The following CDH13 variants were observed in gnomAD, a reference collection of about 807,000 sequenced individuals.
CDH13 encodes cadherin 13.
A neutral mutation model predicts 63.8 loss-of-function variants in CDH13; 24 were observed. That is an observed-to-expected ratio of 0.38 (90% CI 0.27 to 0.53). The LOEUF (loss-of-function observed/expected upper bound fraction) is 0.53, where lower values mean the gene tolerates loss of function less well. CDH13 is among the 20% of genes least tolerant of loss of function. CDH13 has a pLI of 0.85. For synonymous variants in CDH13, 503 were observed against 355.3 expected, an observed-to-expected ratio of 1.42 and a Z score of -4.67; for missense variants, 1,049 against 903.1, an observed-to-expected ratio of 1.16 and a Z score of -2.07.
intron 2 of CDH13, among the ~76,000 whole-genome samples, chr16:82,924,202 G>C (rs559430455): frequency 1.3e-5 from 2 of 152,164 alleles, no homozygotes; most frequent in Non-Finnish European, 2.9e-5. Flanking sequence ...TGAGAAGCTC[G>C]AGGTTAGCAA....
Position 83,169,228 on chromosome 16 carries a change from G to A in CDH13, c.483+43727G>A, listed in dbSNP as rs544621573. On this transcript the variant is annotated intron_variant, in intron 4 of 13. Coordinates refer to ENST00000567109, the MANE Select transcript of CDH13 (RefSeq NM_001257.5). Reference sequence around the variant, plus strand: ...CATCTCACTTTGTCGCCAGGCTGGAGTGCAGTGGCGGGATCTTGGCTCACT... The same window carrying A: ...CATCTCACTTTGTCGCCAGGCTGGAATGCAGTGGCGGGATCTTGGCTCACT... 3.3e-5 allele frequency among the ~76,000 whole-genome samples: 5 copies of A among 151,838 alleles called. No individual in the cohort carries two copies. The South Asian group carries it at 1.0e-3, about 32-fold the overall frequency.
At chr16:82,984,545 G>A in intron 2 of CDH13, among the ~76,000 whole-genome samples, 1 of 152,142 alleles carries the variant, frequency 6.6e-6, no homozygotes. Context: ...GTGGGATAAT[G>A]ATAACAGTTA....
chr16:83,277,126 A>T (rs1356190787), intron 5 of CDH13, among the ~76,000 whole-genome samples: 1 of 152,192 alleles, frequency 6.6e-6, no homozygotes, highest in African/African-American at 2.4e-5. Context: ...TACCTGTTAC[A>T]AAATGGGCAC....
At chr16:83,425,580 T>C (rs891179816) in intron 6 of CDH13, among the ~76,000 whole-genome samples, 12 of 152,198 alleles carry the variant, frequency 7.9e-5, no homozygotes, top group African/African-American at 2.7e-4. Context: ...CTAATTCCTC[T>C]CCCTTCCCCT....
intron 8 of CDH13, among the ~76,000 whole-genome samples, chr16:83,628,001 T>A (rs1910469005): frequency 6.6e-6 from 1 of 152,202 alleles, no homozygotes; most frequent in Non-Finnish European, 1.5e-5. Context: ...TTGTAAACTG[T>A]CATAGCGCTG....
intron 2 of CDH13, among the ~76,000 whole-genome samples, chr16:82,952,087 C>T (rs1343390180): frequency 6.6e-6 from 1 of 152,210 alleles, no homozygotes; most frequent in Non-Finnish European, 1.5e-5. Flanking sequence ...GGAGTTTTGA[C>T]AATGATAAAT....
chr16:82,741,194 T>C (rs1055819592), intron 1 of CDH13, among the ~76,000 whole-genome samples: 1 of 152,214 alleles, frequency 6.6e-6, no homozygotes, highest in Non-Finnish European at 1.5e-5. Flanking sequence ...GCCATTGATA[T>C]AGCTCAAACC....
At position 83,466,522 on chromosome 16, in the gene CDH13, T is replaced by G. The variant is rs890976751; in HGVS notation, c.782-19955T>G. Among the ~76,000 whole-genome samples, 6 of 152,212 alleles carry G rather than the reference T, an allele frequency of 3.9e-5. No individual in the cohort carries two copies. The East Asian group carries it at 1.2e-3, about 29-fold the overall frequency. On this transcript the variant is annotated intron_variant, in intron 6 of 13. Transcript: ENST00000567109. ...CTGGGGAGGAAAACTGCAAACATCATGCAATTTATATAACATTTTCCCTTA... is the reference window on the plus strand; with the variant it reads ...CTGGGGAGGAAAACTGCAAACATCAGGCAATTTATATAACATTTTCCCTTA...
intron 2 of CDH13, among the ~76,000 whole-genome samples, chr16:82,897,139 G>T (rs945100209): frequency 1.3e-5 from 2 of 152,042 alleles, no homozygotes; most frequent in African/African-American, 4.8e-5. Context: ...TTGAGCCAAA[G>T]TTGCCCATCA....
chr16:83,478,299 G>A (rs552105133), intron 6 of CDH13, among the ~76,000 whole-genome samples: 5 of 152,194 alleles, frequency 3.3e-5, no homozygotes, highest in East Asian at 1.9e-4. Flanking sequence ...CACCTCTCCC[G>A]GTTGCCTTGA....
At chr16:83,051,462 A>G (rs2030329675) in intron 3 of CDH13, among the ~76,000 whole-genome samples, 1 of 152,242 alleles carries the variant, frequency 6.6e-6, no homozygotes, top group African/African-American at 2.4e-5. Context: ...AGATACCAAT[A>G]GGTAAACCTG....
At position 83,709,756 on chromosome 16, in the gene CDH13, C is replaced by G. The variant is rs567207691; in HGVS notation, c.1538+31295C>G. The stretch of plus-strand genomic sequence containing the variant: ...AGGAAGTAAACATTTTATTCATAGA[C>G]TTTGTCATCCTGTGTAATAGGGTCT... On this transcript the variant is annotated intron_variant, in intron 10 of 13. Transcript: ENST00000567109. 5.3e-5 allele frequency among the ~76,000 whole-genome samples: 8 copies of G among 152,302 alleles called. No homozygotes were observed. In the South Asian group the frequency reaches 1.7e-3, roughly 32 times the overall value.
chr16:82,890,502 T>C (rs923196438), intron 2 of CDH13, among the ~76,000 whole-genome samples: 1 of 152,168 alleles, frequency 6.6e-6, no homozygotes, highest in Non-Finnish European at 1.5e-5. Context: ...GTGTCAGCTA[T>C]GGAGTCATCA....
chr16:82,711,799 C>T (rs1047987732), intron 1 of CDH13, among the ~76,000 whole-genome samples: 12 of 152,198 alleles, frequency 7.9e-5, no homozygotes, highest in African/African-American at 2.7e-4. Context: ...CCGGTGATGC[C>T]GATGAGTTCC....
At chr16:82,953,371 G>C (rs528233727) in intron 2 of CDH13, 1 of 152,140 alleles carries the variant, frequency 6.6e-6, no homozygotes, top group Non-Finnish European at 1.5e-5. Context: ...GATCACCAGT[G>C]ACCAACATGG....
At chr16:82,836,631 G>A (rs997780511) in intron 1 of CDH13, among the ~76,000 whole-genome samples, 8 of 152,162 alleles carry the variant, frequency 5.3e-5, no homozygotes, top group Admixed American at 1.3e-4. Context: ...AAATGACAGC[G>A]TCTTGGCATT....
intron 6 of CDH13, among the ~76,000 whole-genome samples, chr16:83,374,164 G>A (rs953375979): frequency 7.9e-5 from 12 of 152,170 alleles, no homozygotes; most frequent in African/African-American, 2.9e-4. Context: ...ATAACCTGAT[G>A]GAGCAAAGTC....
In CDH13 at chr16:83,140,179, C is replaced by T. The variant is rs141099663; in HGVS notation, c.483+14678C>T. Among the ~76,000 whole-genome samples, 45 of 152,336 alleles carry T rather than the reference C, an allele frequency of 3.0e-4. No homozygotes were observed. In the East Asian group the frequency reaches 8.1e-3, roughly 27 times the overall value. ...TGACACCTAACAGTTAACATTCCAA[C>T]AAGCCTCCTGGCACTGCTGACAAGC... On this transcript the variant is annotated intron_variant, in intron 4 of 13. Coordinates refer to ENST00000567109, the MANE Select transcript of CDH13 (RefSeq NM_001257.5).
intron 5 of CDH13, among the ~76,000 whole-genome samples, chr16:83,321,122 C>A (rs2090214539): frequency 1.3e-5 from 2 of 152,206 alleles, no homozygotes; most frequent in Admixed American, 6.5e-5. Context: ...GGGGGCCTTC[C>A]TGATGTCTCA....
Sources: allele counts gnomAD v4.1 joint callset (sites outside exome capture counted in the v4.1 genomes callset), GRCh38; gene constraint gnomAD v4.1.1; transcripts MANE v1.5; gene names NCBI Gene and HGNC (gene_info 2026-07-23, HGNC 2026-07-21).